Variants in MAP1B observed in about 807,000 individuals in gnomAD.
MAP1B encodes microtubule-associated protein 1B.
Under a neutral mutation model 176.1 loss-of-function variants are expected in MAP1B, and 12 were observed. The observed-to-expected ratio is 0.07, with a 90% CI of 0.04 to 0.11. The LOEUF (loss-of-function observed/expected upper bound fraction) is 0.11. Ranked by LOEUF, MAP1B falls within the 10% of genes least tolerant of loss-of-function variation. MAP1B has a pLI of 1.00. For synonymous variants in MAP1B, 1,044 were observed against 1,135.0 expected, an observed-to-expected ratio of 0.92 and a Z score of 1.61; for missense variants, 2,523 against 2,990.5, an observed-to-expected ratio of 0.84 and a Z score of 3.65.
intron 4 of MAP1B, among the ~76,000 whole-genome samples, chr5:72,187,918 T>G (rs1405905907): frequency 6.6e-6 from 1 of 152,226 alleles, no homozygotes; most frequent in Admixed American, 6.5e-5. Flanking sequence ...TGTGGCGTCA[T>G]CTGCATCTTG....
intron 4 of MAP1B, 124 bp from the exon 5 acceptor site, chr5:72,193,742 T>C (rs1482746613): frequency 4.9e-6 from 5 of 1,021,668 alleles, no homozygotes; most frequent in Admixed American, 2.9e-5. Flanking sequence ...TGAGAGTGCA[T>C]GTCTGAAACT....
intron 2 of MAP1B, among the ~76,000 whole-genome samples, chr5:72,149,438 C>T (rs1251789788): frequency 2.0e-5 from 3 of 152,208 alleles, no homozygotes; most frequent in Admixed American, 6.5e-5. Context: ...ACATTTGTTT[C>T]ACTGTATGGT....
chr5:72,194,439 C>A lies in MAP1B; in HGVS notation c.1084C>A (p.Pro362Thr). The change falls in exon 5 of 7, where the codon CCT becomes ACT. Residue 362 changes from proline to threonine, a missense_variant. By Grantham distance (38) the Pro-to-Thr change is conservative. Coordinates refer to ENST00000296755, the MANE Select transcript of MAP1B (RefSeq NM_005909.5). The surrounding 1 kb of genome is among the most constrained non-coding windows in gnomAD (Gnocchi z 7.2). The stretch of plus-strand genomic sequence containing the variant: ...CTTAGGAGTTGTATTTCTCAATGTA[C>A]CTGAAAATCTCAAAAATCCAGAGCC... ...PDLGVVFLNVPENLKNPEPNI... is the reference protein window; with the variant it reads ...PDLGVVFLNVTENLKNPEPNI... The A allele has an allele frequency of 1.9e-6, 3 of 1,613,956 alleles. No homozygotes were observed. Among genetic ancestry groups the A allele is most frequent in the Non-Finnish European group, 1.7e-6 (2 of 1,180,014 alleles).
intron 2 of MAP1B, among the ~76,000 whole-genome samples, chr5:72,174,420 C>T (rs1009001555): frequency 2.0e-5 from 3 of 152,186 alleles, no homozygotes; most frequent in Admixed American, 2.0e-4. Context: ...TAGGAAATGC[C>T]TATGACAGGC....
intron 2 of MAP1B, among the ~76,000 whole-genome samples, chr5:72,165,158 C>T (rs1457017442): frequency 6.6e-6 from 1 of 152,110 alleles, no homozygotes; most frequent in African/African-American, 2.4e-5. Flanking sequence ...CTTTCTTGGT[C>T]CCCTGGTCAA....
chr5:72,206,704 T>C lies in MAP1B; in HGVS notation c.*1465T>C, dbSNP rs1747457372. 6.6e-6 allele frequency: 1 copy of C among 152,208 alleles called. No individual in the cohort carries two copies. The highest frequency in any genetic ancestry group is 2.4e-5 in the African/African-American group (1 of 41,446). The allele number at this position is 152,208 out of a possible 1,614,324, so 9.4% of individuals were successfully genotyped here. On this transcript the variant is annotated 3_prime_UTR_variant, in exon 7 of 7. Transcript: ENST00000296755. ...GAAAATTCTCAAGTGATAGTCTTTT[T>C]TTTTAAGTGTTTCGTAAGACAAAAA...
intron 2 of MAP1B, among the ~76,000 whole-genome samples, chr5:72,121,138 C>T (rs1339020131): frequency 1.3e-5 from 2 of 152,118 alleles, no homozygotes; most frequent in Non-Finnish European, 2.9e-5. Flanking sequence ...GCAAAATGGT[C>T]CTGTGGGTGC....
rs1747446865 is a variant in MAP1B, at chr5:72,206,391, T to A, written c.*1152T>A. ...CCCACTTCAGTGCACCTGTGGCCTCTCAGTCAAACAAGTTGTGCCTTTCAC... is the reference window on the plus strand; with the variant it reads ...CCCACTTCAGTGCACCTGTGGCCTCACAGTCAAACAAGTTGTGCCTTTCAC... On this transcript the variant is annotated 3_prime_UTR_variant, in exon 7 of 7. Coordinates refer to ENST00000296755, the MANE Select transcript of MAP1B (RefSeq NM_005909.5). 6.6e-6 allele frequency: 1 copy of A among 152,644 alleles called. No individual in the cohort carries two copies. The highest frequency in any genetic ancestry group is 2.4e-5 in the African/African-American group (1 of 41,414). 9.5% of individuals were successfully genotyped at this position (152,644 alleles called of 1,614,324 possible). A position where few individuals can be genotyped will look rare whatever the true frequency, so the allele number is the denominator to read the frequency against.
At chr5:72,183,429 T>C (rs1746821547) in intron 2 of MAP1B, among the ~76,000 whole-genome samples, 1 of 152,200 alleles carries the variant, frequency 6.6e-6, no homozygotes, top group Admixed American at 6.5e-5. Context: ...TGAGTTTTCC[T>C]GGCACCCACC....
chr5:72,194,105 A>G lies in MAP1B; in HGVS notation c.750A>G (p.Thr250=), dbSNP rs761370545. 1.4e-5 allele frequency: 22 copies of G among 1,614,072 alleles called. No homozygotes were observed. Among genetic ancestry groups the G allele is most frequent in the Admixed American group, 5.0e-5 (3 of 60,008 alleles). ...CCTTTGACATCTTGGAACCTCCCAC[A>G]TCGGGTGGATTTCTGAAGCTCTCCA... ...PSPFDILEPP[T]SGGFLKLSKP... Residue 250 remains threonine, a synonymous_variant, in exon 5 of 7, where the codon ACA becomes ACG. Transcript: ENST00000296755. The surrounding 1 kb of genome is among the most constrained non-coding windows in gnomAD (Gnocchi z 7.2).
intron 5 of MAP1B, 123 bp from the exon 6 acceptor site, chr5:72,203,440 C>T (rs1747374305): frequency 4.1e-6 from 3 of 737,060 alleles, no homozygotes; most frequent in African/African-American, 3.5e-5. Context: ...CACCACTTTG[C>T]ATGTCTCAGA....
At chr5:72,173,787 G>T (rs1022610172) in intron 2 of MAP1B, among the ~76,000 whole-genome samples, 2 of 152,162 alleles carry the variant, frequency 1.3e-5, no homozygotes, top group African/African-American at 4.8e-5. Context: ...AAGCAGTGAG[G>T]GACAGTGAAA....
chr5:72,194,300 C>A lies in MAP1B; in HGVS notation c.945C>A (p.Asp315Glu). Reference protein sequence around the residue: ...DSILLTHIGDDNLPGINSMLQ... With the variant: ...DSILLTHIGDENLPGINSMLQ... Reference sequence around the variant, plus strand: ...TCCTGCTCACCCACATTGGGGATGACAATTTGCCTGGAATAAACAGCATGT... The same window carrying A: ...TCCTGCTCACCCACATTGGGGATGAAAATTTGCCTGGAATAAACAGCATGT... The change falls in exon 5 of 7, where the codon GAC (aspartate) becomes GAA (glutamate). Residue 315 changes from aspartate (D) to glutamate (E), a missense_variant. Physicochemically the swap from Asp to Glu is conservative, Grantham distance 45. Transcript: ENST00000296755. This position sits in a 1 kb window ranked among gnomAD's most constrained non-coding sequence, Gnocchi z 7.2. 6.2e-7 allele frequency: 1 copy of A among 1,614,202 alleles called. No homozygotes were observed. Among genetic ancestry groups the A allele is most frequent in the Non-Finnish European group, 8.5e-7 (1 of 1,180,040 alleles).
At chr5:72,161,738 C>T (rs1237869607) in intron 2 of MAP1B, among the ~76,000 whole-genome samples, 1 of 152,072 alleles carries the variant, frequency 6.6e-6, no homozygotes, top group Non-Finnish European at 1.5e-5. Flanking sequence ...GGGCAGATCA[C>T]TTGAGGTCAG....
chr5:72,140,821 T>C (rs1439338013), intron 2 of MAP1B, among the ~76,000 whole-genome samples: 1 of 152,212 alleles, frequency 6.6e-6, no homozygotes, highest in African/African-American at 2.4e-5. Flanking sequence ...AAGATCAAAG[T>C]GGACCTGGTA....
intron 1 of MAP1B, among the ~76,000 whole-genome samples, chr5:72,109,235 TA>T (rs70999261): frequency 7.7e-4 from 107 of 138,912 alleles, no homozygotes; most frequent in Middle Eastern, 3.6e-3. Flanking sequence ...CCTTTTAGCT[TA>T]AAAAAAAAAA....
Position 72,186,330 on chromosome 5 carries a change from G to A in MAP1B, c.370-284G>A, listed in dbSNP as rs763946429. 6.6e-5 allele frequency among the ~76,000 whole-genome samples: 10 copies of A among 152,116 alleles called. No homozygotes were observed. Among genetic ancestry groups the A allele is most frequent in the Non-Finnish European group, 1.2e-4 (8 of 68,030 alleles). On this transcript the variant is annotated intron_variant, in intron 3 of 6. Transcript: ENST00000296755. The surrounding 1 kb of genome is among the most constrained non-coding windows in gnomAD (Gnocchi z 4.3). ...TTGAAAAAGAGGAGGAAACTAGGGGGAGAAAGTCAACTATCGCTACTGTCG... is the reference window on the plus strand; with the variant it reads ...TTGAAAAAGAGGAGGAAACTAGGGGAAGAAAGTCAACTATCGCTACTGTCG...
At position 72,195,838 on chromosome 5, in the gene MAP1B, C is replaced by T; in HGVS notation, c.2483C>T (p.Ser828Phe). 6.2e-7 allele frequency: 1 copy of T among 1,614,228 alleles called. No homozygotes were observed. The highest frequency in any genetic ancestry group is 1.7e-5 in the Admixed American group (1 of 60,030). ...GCCAAAGAACTCGAAGCTGAGAGGT[C>T]CCTTATGTCATCTCCTGAGGATCTA... ...GPAKELEAER[S>F]LMSSPEDLTK... The change falls in exon 5 of 7, where the codon TCC (serine) becomes TTC (phenylalanine). Residue 828 changes from serine to phenylalanine, a missense_variant. This residue lies in a region of MAP1B where 1,925 missense variants were observed against 2,126.0 expected (regional missense o/e 0.91). Coordinates refer to ENST00000296755, the MANE Select transcript of MAP1B (RefSeq NM_005909.5).
intron 2 of MAP1B, among the ~76,000 whole-genome samples, chr5:72,150,126 A>G (rs1746116267): frequency 6.6e-6 from 1 of 152,238 alleles, no homozygotes; most frequent in South Asian, 2.1e-4. Flanking sequence ...AGCTTTTACA[A>G]AAATAAATAT....
Sources: gnomAD v4.1 joint callset for allele counts (sites outside exome capture counted in the v4.1 genomes callset) on GRCh38, gnomAD v4.1.1 for gene constraint, gnomAD v4.1.1 regional missense constraint, Gnocchi (gnomAD v3.1) non-coding constraint, MANE v1.5 for transcripts, NCBI Gene and HGNC (gene_info 2026-07-23, HGNC 2026-07-21) for gene names.